The following SLC7A9 variants were observed in gnomAD, a reference collection of about 807,000 sequenced individuals.
SLC7A9 encodes the protein B(0,+)-type amino acid transporter 1.
In SLC7A9, 38 loss-of-function variants were observed where a neutral mutation model predicts 54.1. The ratio of observed to expected loss-of-function variants is 0.70; its 90% CI spans 0.54 to 0.92. SLC7A9 has a LOEUF of 0.92. SLC7A9 is among the 40% of genes least tolerant of loss of function. SLC7A9 has a pLI of 0.00. For synonymous variants in SLC7A9, 264 were observed against 258.9 expected (o/e 1.02, Z -0.19); for missense variants, 537 against 636.1 (o/e 0.84, Z 1.68).
At chr19:32,860,712 A>G (rs2145840167) in intron 6 of SLC7A9, 62 bp from the exon 7 acceptor site, 1 of 1,602,896 alleles carries the variant, frequency 6.2e-7, no homozygotes, top group Middle Eastern at 1.7e-4. Flanking sequence ...AATGAAACCC[A>G]CAATAATAAA....
chr19:32,848,590 C>CT (rs1379144885), intron 9 of SLC7A9, among the ~76,000 whole-genome samples: 1 of 152,132 alleles, frequency 6.6e-6, no homozygotes, highest in Non-Finnish European at 1.5e-5. Context: ...TAATGGGAGA[C>CT]TTTAACACCC....
intron 11 of SLC7A9, among the ~76,000 whole-genome samples, chr19:32,838,683 A>G (rs1043927797): frequency 7.2e-6 from 1 of 138,858 alleles, no homozygotes; most frequent in Non-Finnish European, 1.6e-5. Flanking sequence ...CCTTTTAAAG[A>G]TATTATATAT....
chr19:32,864,655 G>T lies in SLC7A9; in HGVS notation c.209C>A (p.Ala70Glu). The T allele has an allele frequency of 6.2e-7, 1 of 1,614,024 alleles. No individual in the cohort carries two copies. The highest frequency in any genetic ancestry group is 8.5e-7 in the Non-Finnish European group (1 of 1,180,040). ...CAGCGTCGCGAGGACCCCGCAAGCCGCCCATATGATGAGGCAGGGCCCCAC... is the reference window on the plus strand; with the variant it reads ...CAGCGTCGCGAGGACCCCGCAAGCCTCCCATATGATGAGGCAGGGCCCCAC... ...EAVGPCLIIW[A>E]ACGVLATLGA... Residue 70 changes from alanine (A) to glutamate (E), a missense_variant, in exon 3 of 13, where the codon GCG becomes GAG. Coordinates refer to ENST00000023064, the MANE Select transcript of SLC7A9 (RefSeq NM_014270.5).
chr19:32,834,430 G>T (rs765504637), intron 11 of SLC7A9, among the ~76,000 whole-genome samples: 1 of 152,110 alleles, frequency 6.6e-6, no homozygotes, highest in Non-Finnish European at 1.5e-5. Context: ...AGGAGTTCAA[G>T]ATCAGCCTGG....
chr19:32,830,795 C>A, intron 12 of SLC7A9, 111 bp from the exon 13 acceptor site: 1 of 810,204 alleles, frequency 1.2e-6, no homozygotes. Context: ...TGATGCGTCA[C>A]CTAGACCCTG....
rs557019592 is a variant in SLC7A9, at chr19:32,842,210, G to A, written c.1182C>T (p.Ile394=). ...GCTCTTTCCTTGTAAATCTCATCAC[G>A]ATGAGTCCTAGAATCGTCAGGCCAT... ...LFYGLTILGL[I]VMRFTRKELE... The change falls in exon 11 of 13, where the codon ATC becomes ATT. Residue 394 remains isoleucine (I), a synonymous_variant. Transcript: ENST00000023064. The A allele has an allele frequency of 4.4e-4, 718 of 1,614,058 alleles. 6 individuals are homozygous for A. The South Asian group carries it at 7.4e-3, about 17-fold the overall frequency.
At chr19:32,869,011 C>A (rs1039545665) in intron 1 of SLC7A9, among the ~76,000 whole-genome samples, 1 of 150,854 alleles carries the variant, frequency 6.6e-6, no homozygotes, top group African/African-American at 2.4e-5. Context: ...GAGTTTGAGA[C>A]CAGCCTGGCT....
At chr19:32,859,478 T>TC (rs1468183531) in intron 8 of SLC7A9, among the ~76,000 whole-genome samples, 2 of 152,128 alleles carry the variant, frequency 1.3e-5, no homozygotes, top group East Asian at 3.9e-4. Flanking sequence ...CCCAGCCACC[T>TC]CTTCACTGAC....
chr19:32,845,511 C>G (rs1417821557), intron 9 of SLC7A9, among the ~76,000 whole-genome samples: 1 of 151,888 alleles, frequency 6.6e-6, no homozygotes, highest in Admixed American at 6.6e-5. Flanking sequence ...CAAACAAAAC[C>G]AAACAAACAA....
At chr19:32,852,575 CAATACAAATGCCACA>C (rs1968500607) in intron 9 of SLC7A9, among the ~76,000 whole-genome samples, 1 of 152,064 alleles carries the variant, frequency 6.6e-6, no homozygotes, top group Non-Finnish European at 1.5e-5. Flanking sequence ...AATTAGAAGT[CAATACAAATGCCACA>C]AAGACCCATC....
chr19:32,840,576 C>T (rs1418705398), intron 11 of SLC7A9, among the ~76,000 whole-genome samples: 1 of 152,088 alleles, frequency 6.6e-6, no homozygotes, highest in Non-Finnish European at 1.5e-5. Flanking sequence ...AGCCCCTTCC[C>T]AGTTGAGAGA....
chr19:32,839,628 T>C (rs1968073914), intron 11 of SLC7A9, among the ~76,000 whole-genome samples: 1 of 152,230 alleles, frequency 6.6e-6, no homozygotes, highest in South Asian at 2.1e-4. Context: ...GTAGACTTTA[T>C]TCTGCAAGGT....
chr19:32,836,529 A>C (rs1023346982), intron 11 of SLC7A9, among the ~76,000 whole-genome samples: 1 of 152,142 alleles, frequency 6.6e-6, no homozygotes, highest in Non-Finnish European at 1.5e-5. Context: ...TCTTCATGGC[A>C]TTAAAAGCTG....
intron 11 of SLC7A9, among the ~76,000 whole-genome samples, chr19:32,837,674 A>G (rs980573829): frequency 6.6e-6 from 1 of 152,132 alleles, no homozygotes; most frequent in African/African-American, 2.4e-5. Context: ...TTAATGCAAT[A>G]ACATGGTCTC....
chr19:32,842,491 T>C (rs1280613798), intron 10 of SLC7A9, among the ~76,000 whole-genome samples, 174 bp from the exon 11 acceptor site: 1 of 152,212 alleles, frequency 6.6e-6, no homozygotes, highest in African/African-American at 2.4e-5. Context: ...AGCTCTTCTC[T>C]ATGAAGCTTG....
chr19:32,860,112 CCTCT>C, intron 7 of SLC7A9, 148 bp from the exon 8 acceptor site: 1 of 1,551,270 alleles, frequency 6.4e-7, no homozygotes, highest in Non-Finnish European at 8.7e-7. Context: ...GAGAATGCTG[CCTCT>C]CTCAGACTCC....
chr19:32,867,363 A>C (rs1459156246), intron 2 of SLC7A9, among the ~76,000 whole-genome samples: 1 of 152,014 alleles, frequency 6.6e-6, no homozygotes, highest in East Asian at 1.9e-4. Flanking sequence ...TGAAAAGTTA[A>C]AAATTTGGCA....
chr19:32,860,988 G>T (rs1474086577), intron 6 of SLC7A9, among the ~76,000 whole-genome samples: 3 of 152,300 alleles, frequency 2.0e-5, no homozygotes, highest in Admixed American at 2.0e-4. Context: ...TAAATGCTTT[G>T]CAGGAGAGAA....
intron 11 of SLC7A9, among the ~76,000 whole-genome samples, chr19:32,835,036 C>T (rs952644886): frequency 2.0e-5 from 3 of 152,116 alleles, no homozygotes; most frequent in Non-Finnish European, 4.4e-5. Context: ...ATGATCTGCC[C>T]ATCTTGGCCT....
Sources: gnomAD v4.1 joint callset for allele counts (sites outside exome capture counted in the v4.1 genomes callset) on GRCh38, gnomAD v4.1.1 for gene constraint, MANE v1.5 for transcripts, NCBI Gene and HGNC (gene_info 2026-07-23, HGNC 2026-07-21) for gene names.